BMPER: variants seen among roughly 807,000 people sequenced by gnomAD.
BMPER encodes BMP-binding endothelial regulator protein.
BMPER carries 45 observed loss-of-function variants against 87.3 expected under a neutral mutation model. The ratio of observed to expected loss-of-function variants is 0.52; its 90% confidence interval spans 0.41 to 0.66. The LOEUF is 0.66. Ranked by LOEUF, BMPER falls within the 30% of genes least tolerant of loss-of-function variation. The pLI is 0.00. For synonymous variants in BMPER, 326 were observed against 316.2 expected, an observed-to-expected ratio of 1.03 and a Z score of -0.33; for missense variants, 784 against 867.5, an observed-to-expected ratio of 0.90 and a Z score of 1.21.
chr7:34,055,265 G>A lies in BMPER; in HGVS notation c.889G>A (p.Asp297Asn), dbSNP rs745668141. Residue 297 changes from aspartate (D) to asparagine (N), a missense_variant, in exon 9 of 15, where the codon GAC (aspartate) becomes AAC (asparagine). Coordinates refer to ENST00000649409, the MANE Select transcript of BMPER (RefSeq NM_001365308.1). ...GTGCCTCCTACGAGTGCCCCCAGAAGACATCAAAGTATGCAAATTTGGCAA... is the reference window on the plus strand; with the variant it reads ...GTGCCTCCTACGAGTGCCCCCAGAAAACATCAAAGTATGCAAATTTGGCAA... The part of the protein sequence containing the change: ...EECLLRVPPE[D>N]IKVCKFGNKI... 1 of 1,614,146 alleles carries A rather than the reference G, an allele frequency of 6.2e-7. No individual in the cohort carries two copies.
intron 13 of BMPER, among the ~76,000 whole-genome samples, chr7:34,113,929 C>G (rs1462848837): frequency 6.6e-6 from 1 of 152,114 alleles, no homozygotes; most frequent in Non-Finnish European, 1.5e-5. Flanking sequence ...GTTTCTTCTT[C>G]CAGTGGTTTT....
chr7:34,078,600 T>C (rs998722527), intron 11 of BMPER, among the ~76,000 whole-genome samples: 4 of 152,330 alleles, frequency 2.6e-5, no homozygotes, highest in Non-Finnish European at 5.9e-5. Context: ...CATGGAAGCA[T>C]ATCTAGGCTA....
rs267601492 is a variant in BMPER at position 34,055,256 on chromosome 7, C to T, written c.880C>T (p.Pro294Ser). 3 of 1,614,114 alleles carry T rather than the reference C, an allele frequency of 1.9e-6. No individual in the cohort carries two copies. The highest frequency in any genetic ancestry group is 2.5e-6 in the Non-Finnish European group (3 of 1,180,030). The change falls in exon 9 of 15, where the codon CCC becomes TCC. Residue 294 changes from proline to serine, a missense_variant. Physicochemically the swap from Pro to Ser is moderately conservative, Grantham distance 74. Transcript: ENST00000649409. Reference sequence around the variant, plus strand: ...TTGTGAAGAGTGCCTCCTACGAGTGCCCCCAGAAGACATCAAAGTATGCAA... The same window carrying T: ...TTGTGAAGAGTGCCTCCTACGAGTGTCCCCAGAAGACATCAAAGTATGCAA... ...GCCEECLLRVPPEDIKVCKFG... is the reference protein window; with the variant it reads ...GCCEECLLRVSPEDIKVCKFG...
chr7:34,103,891 T>C (rs1439277094), intron 13 of BMPER, among the ~76,000 whole-genome samples: 1 of 152,186 alleles, frequency 6.6e-6, no homozygotes, highest in Non-Finnish European at 1.5e-5. Context: ...AAGCCCAGTG[T>C]ATCCTCTCCA....
chr7:33,941,293 G>C (rs992295027), intron 3 of BMPER, among the ~76,000 whole-genome samples: 3 of 149,082 alleles, frequency 2.0e-5, no homozygotes, highest in Non-Finnish European at 3.0e-5. Context: ...CCTTAGCAAA[G>C]AAATGGAGCC....
chr7:34,058,315 ATTC>A (rs1344032624), intron 10 of BMPER, 152 bp downstream of exon 10: 6 of 758,884 alleles, frequency 7.9e-6, no homozygotes, highest in Non-Finnish European at 1.4e-5. Context: ...AAGTTTGCTC[ATTC>A]TTCTTGCAGA....
intron 13 of BMPER, among the ~76,000 whole-genome samples, chr7:34,094,430 G>A (rs1294175222): frequency 6.6e-6 from 1 of 152,238 alleles, no homozygotes; most frequent in Non-Finnish European, 1.5e-5. Flanking sequence ...TGTGTGGGGA[G>A]CTCTCCCTTG....
chr7:33,909,271 T>G (rs886745288), intron 2 of BMPER, among the ~76,000 whole-genome samples: 2 of 152,158 alleles, frequency 1.3e-5, no homozygotes, highest in Non-Finnish European at 2.9e-5. Flanking sequence ...CGAAACTGTC[T>G]CAGTTTTGTC....
At chr7:34,116,965 G>A (rs1218392234) in intron 13 of BMPER, among the ~76,000 whole-genome samples, 1 of 151,798 alleles carries the variant, frequency 6.6e-6, no homozygotes, top group Non-Finnish European at 1.5e-5. Context: ...ACTCCAGCCT[G>A]GGTGACAAAG....
intron 11 of BMPER, among the ~76,000 whole-genome samples, chr7:34,062,755 A>G (rs1333484746): frequency 2.0e-5 from 3 of 152,200 alleles, no homozygotes; most frequent in East Asian, 1.9e-4. Flanking sequence ...GTGTCGCTGT[A>G]CTGAATACTG....
chr7:33,921,043 A>G (rs1415643774), intron 2 of BMPER, among the ~76,000 whole-genome samples: 1 of 152,110 alleles, frequency 6.6e-6, no homozygotes, highest in African/African-American at 2.4e-5. Context: ...TAGTCACCCA[A>G]TCAGAATGAA....
chr7:33,999,192 T>C (rs1050414382), intron 6 of BMPER, among the ~76,000 whole-genome samples: 1 of 152,248 alleles, frequency 6.6e-6, no homozygotes, highest in African/African-American at 2.4e-5. Context: ...TTCTAGGCAC[T>C]GGTTCCCTTT....
At chr7:33,984,495 A>G (rs542264023) in intron 6 of BMPER, among the ~76,000 whole-genome samples, 3 of 152,212 alleles carry the variant, frequency 2.0e-5, no homozygotes, top group Admixed American at 2.0e-4. Flanking sequence ...CAGTGGGCTT[A>G]TCTCTCCATT....
At chr7:34,135,867 G>A (rs992845270) in intron 13 of BMPER, among the ~76,000 whole-genome samples, 4 of 152,116 alleles carry the variant, frequency 2.6e-5, no homozygotes. Flanking sequence ...TTTAACTTGA[G>A]TATAGGGGGA....
intron 11 of BMPER, among the ~76,000 whole-genome samples, chr7:34,074,016 G>C (rs917597418): frequency 6.6e-6 from 1 of 152,244 alleles, no homozygotes; most frequent in Non-Finnish European, 1.5e-5. Flanking sequence ...TGTGGGTTTG[G>C]ATGTGTTTTA....
In BMPER at chr7:34,083,867, C is replaced by T. The variant is rs577091953; in HGVS notation, c.1409-1889C>T. ...ACCACCTCATCTTCCAACTTCTGAA[C>T]ATTTGCTCATCAGCTTAATCTTGAT... is the stretch of plus-strand genomic sequence containing the variant. On this transcript the variant is annotated intron_variant, in intron 12 of 14. Transcript: ENST00000649409. 9.1e-4 allele frequency among the ~76,000 whole-genome samples: 138 copies of T among 152,244 alleles called. 1 individual carries two copies. Among genetic ancestry groups the T allele is most frequent in the African/African-American group, 3.2e-3 (132 of 41,530 alleles).
chr7:34,030,638 T>C (rs1258381968), intron 6 of BMPER, among the ~76,000 whole-genome samples: 1 of 152,004 alleles, frequency 6.6e-6, no homozygotes, highest in Non-Finnish European at 1.5e-5. Flanking sequence ...TTTTTTTTTT[T>C]TCGAGATGGG....
intron 12 of BMPER, among the ~76,000 whole-genome samples, chr7:34,084,911 C>A (rs1296567576): frequency 6.6e-6 from 1 of 152,176 alleles, no homozygotes; most frequent in African/African-American, 2.4e-5. Context: ...CTTAGCAAAC[C>A]AAGAAGGGTC....
chr7:34,144,491 AC>A (rs1790968059), intron 14 of BMPER, among the ~76,000 whole-genome samples: 1 of 151,224 alleles, frequency 6.6e-6, no homozygotes, highest in East Asian at 1.9e-4. Flanking sequence ...AAAGCAGGGT[AC>A]TAGGCAGGAA....
Sources: gnomAD v4.1 joint callset for allele counts (sites outside exome capture counted in the v4.1 genomes callset) on GRCh38, gnomAD v4.1.1 for gene constraint, MANE v1.5 for transcripts, NCBI Gene and HGNC (gene_info 2026-07-23, HGNC 2026-07-21) for gene names.